GPHN: variants seen among roughly 807,000 people sequenced by gnomAD.
GPHN encodes gephyrin.
A neutral mutation model predicts 95.5 loss-of-function variants in GPHN; 17 were observed. The ratio of observed to expected loss-of-function variants is 0.18; its 90% confidence interval spans 0.12 to 0.27. The LOEUF is 0.27. GPHN is among the 10% of genes least tolerant of loss of function. GPHN has a pLI of 1.00. For missense variants in GPHN, 660 were observed against 978.1 expected (o/e 0.67, Z 4.34); for synonymous variants, 320 against 322.5 (o/e 0.99, Z 0.08).
the GPHN span, among the ~76,000 whole-genome samples, chr14:67,505,844 C>T: frequency 1.3e-5 from 2 of 152,078 alleles, no homozygotes; most frequent in South Asian, 2.1e-4. Flanking sequence ...GGATTACAGG[C>T]GCCCGCCACC....
the GPHN span, among the ~76,000 whole-genome samples, chr14:67,209,812 C>A: frequency 1.5e-5 from 2 of 130,956 alleles, no homozygotes. Context: ...AGCAAGACTC[C>A]ATCTCGGAAA....
chr14:67,595,429 G>A, the GPHN span, among the ~76,000 whole-genome samples: 1 of 152,178 alleles, frequency 6.6e-6, no homozygotes, highest in African/African-American at 2.4e-5. Flanking sequence ...CAAAATCATA[G>A]ACTGAACAAT....
chr14:67,267,904 T>C, the GPHN span, among the ~76,000 whole-genome samples: 3 of 152,224 alleles, frequency 2.0e-5, no homozygotes, highest in African/African-American at 7.2e-5. Flanking sequence ...TAGTTTGTCC[T>C]TTCTTATTGC....
intron 2 of GPHN, among the ~76,000 whole-genome samples, chr14:66,758,559 G>C (rs1312755951): frequency 6.6e-6 from 1 of 152,082 alleles, no homozygotes; most frequent in Non-Finnish European, 1.5e-5. Flanking sequence ...GAGAAACTGG[G>C]TTATTAGAAG....
chr14:67,373,625 G>A, the GPHN span, among the ~76,000 whole-genome samples: 1 of 152,180 alleles, frequency 6.6e-6, no homozygotes, highest in Non-Finnish European at 1.5e-5. Flanking sequence ...CAGGTTTGTA[G>A]GTTTCAGCCA....
the GPHN span, among the ~76,000 whole-genome samples, chr14:67,642,572 G>A: frequency 2.6e-5 from 4 of 152,148 alleles, no homozygotes; most frequent in African/African-American, 9.7e-5. Context: ...ACATTGCACA[G>A]TAAGAATATG....
the GPHN span, among the ~76,000 whole-genome samples, chr14:67,437,919 C>G: frequency 6.6e-6 from 1 of 152,118 alleles, no homozygotes; most frequent in African/African-American, 2.4e-5. Context: ...ATTTATGTGC[C>G]TTTCCTATCA....
chr14:67,727,472 T>TTTTTTTTTG, the GPHN span: 1 of 360,780 alleles, frequency 2.8e-6, no homozygotes. Flanking sequence ...GACAGAGGCT[T>TTTTTTTTTG]TTTGTTTTTT....
intron 2 of GPHN, among the ~76,000 whole-genome samples, chr14:66,748,006 T>C (rs1329098952): frequency 1.3e-5 from 2 of 152,092 alleles, no homozygotes; most frequent in Non-Finnish European, 2.9e-5. Context: ...CATGTGCCAT[T>C]AGGACTTGAA....
chr14:66,598,326 G>A (rs1015315380), intron 1 of GPHN, among the ~76,000 whole-genome samples: 1 of 152,010 alleles, frequency 6.6e-6, no homozygotes, highest in Non-Finnish European at 1.5e-5. Flanking sequence ...ATGTTAAATA[G>A]CTTGATTTAG....
At chr14:67,469,061 G>T in the GPHN span, among the ~76,000 whole-genome samples, 2 of 152,056 alleles carry the variant, frequency 1.3e-5, no homozygotes, top group East Asian at 3.9e-4. Context: ...GAACTACCTT[G>T]TATATTTGTT....
chr14:67,531,142 G>T, the GPHN span, among the ~76,000 whole-genome samples: 2 of 152,158 alleles, frequency 1.3e-5, no homozygotes, highest in Admixed American at 6.5e-5. Flanking sequence ...GGGCTCTAGG[G>T]GTGATGGTGG....
chr14:67,407,469 C>T, the GPHN span, among the ~76,000 whole-genome samples: 1 of 151,596 alleles, frequency 6.6e-6, no homozygotes, highest in Non-Finnish European at 1.5e-5. Flanking sequence ...GAGGCAGGGT[C>T]TCATTTGGTT....
At chr14:67,057,416 G>GGGGC (rs1555477504) in intron 10 of GPHN, among the ~76,000 whole-genome samples, 3 of 151,052 alleles carry the variant, frequency 2.0e-5, no homozygotes, top group African/African-American at 7.3e-5. Context: ...ATGGGTGGGG[G>GGGGC]GGGCAACAGC....
chr14:67,347,271 T>C, the GPHN span: 3 of 699,780 alleles, frequency 4.3e-6, no homozygotes, highest in Non-Finnish European at 7.3e-6. Context: ...TCAACTATTG[T>C]CCTGACTATA....
chr14:67,167,946 G>T (rs2082380874), intron 20 of GPHN, among the ~76,000 whole-genome samples: 1 of 152,206 alleles, frequency 6.6e-6, no homozygotes, highest in Non-Finnish European at 1.5e-5. Context: ...CTCCTTTGAA[G>T]TGTACGACAC....
chr14:67,491,924 T>C, the GPHN span, among the ~76,000 whole-genome samples: 11,358 of 152,212 alleles, frequency 0.075, 489 homozygotes, highest in East Asian at 0.16. Context: ...GGAAGGTGCA[T>C]GGAGATGGGA....
At chr14:67,322,554 A>G in the GPHN span, among the ~76,000 whole-genome samples, 1 of 152,158 alleles carries the variant, frequency 6.6e-6, no homozygotes, top group South Asian at 2.1e-4. Flanking sequence ...TGACTCTAAA[A>G]TGGCTATTCT....
chr14:67,193,139 CATCT>C, the GPHN span, among the ~76,000 whole-genome samples: 61 of 139,362 alleles, frequency 4.4e-4, no homozygotes, highest in African/African-American at 1.5e-3. Flanking sequence ...TCTATATAGA[CATCT>C]ATCTATATAT....
Sources: gnomAD v4.1 joint callset for allele counts (sites outside exome capture counted in the v4.1 genomes callset) on GRCh38, gnomAD v4.1.1 for gene constraint, MANE v1.5 for transcripts, NCBI Gene and HGNC (gene_info 2026-07-23, HGNC 2026-07-21) for gene names.